PLCB1: variants seen among roughly 807,000 people sequenced by gnomAD.
PLCB1 encodes the protein 1-phosphatidylinositol 4,5-bisphosphate phosphodiesterase beta-1.
PLCB1 carries 46 observed loss-of-function variants against 161.8 expected under a neutral mutation model. The ratio of observed to expected loss-of-function variants is 0.28; its 90% CI spans 0.22 to 0.36. The LOEUF (loss-of-function observed/expected upper bound fraction) is 0.36, where lower values mean the gene tolerates loss of function less well. Ranked by LOEUF, PLCB1 falls within the 10% of genes least tolerant of loss-of-function variation. The pLI, the probability that PLCB1 is intolerant of heterozygous loss-of-function variation, is 1.00. For missense variants in PLCB1, 1,016 were observed against 1,472.5 expected (o/e 0.69, Z 5.07); for synonymous variants, 517 against 503.7 (o/e 1.03, Z -0.35).
intron 1 of PLCB1, among the ~76,000 whole-genome samples, chr20:8,143,686 G>A (rs975024770): frequency 6.6e-6 from 1 of 152,222 alleles, no homozygotes; most frequent in South Asian, 2.1e-4. Flanking sequence ...AACAGCAGGT[G>A]TGGGTATTCC....
At chr20:8,581,230 T>A (rs1035762296) in intron 3 of PLCB1, among the ~76,000 whole-genome samples, 2 of 152,196 alleles carry the variant, frequency 1.3e-5, no homozygotes, top group Non-Finnish European at 2.9e-5. Flanking sequence ...GCCTGGCACC[T>A]AGGATGTATT....
chr20:8,239,497 A>C (rs1166623301), intron 2 of PLCB1, among the ~76,000 whole-genome samples: 1 of 151,962 alleles, frequency 6.6e-6, no homozygotes, highest in Non-Finnish European at 1.5e-5. Context: ...TACCAAATGC[A>C]GTTTGAAAAG....
At chr20:8,307,553 T>A (rs1049605476) in intron 2 of PLCB1, among the ~76,000 whole-genome samples, 1 of 151,880 alleles carries the variant, frequency 6.6e-6, no homozygotes, top group Non-Finnish European at 1.5e-5. Context: ...TTTTTGAGGG[T>A]TTTTGGTGGG....
chr20:8,740,862 A>T (rs1980840270), intron 22 of PLCB1, among the ~76,000 whole-genome samples: 1 of 152,196 alleles, frequency 6.6e-6, no homozygotes, highest in South Asian at 2.1e-4. Flanking sequence ...GTAAATGCTT[A>T]TAGTGCCAAG....
rs144747409 is a variant in PLCB1, at chr20:8,400,201, G to T, written c.246+28751G>T. 3.0e-4 allele frequency among the ~76,000 whole-genome samples: 46 copies of T among 152,118 alleles called. No homozygotes were observed. In the East Asian group the frequency reaches 8.9e-3, roughly 29 times the overall value. ...CCTGATTGGATTTTTATCTGAGGAG[G>T]GTGAGAACTGTCAGTTTCACTTCCT... On this transcript the variant is annotated intron_variant, in intron 3 of 31. Coordinates refer to ENST00000338037, the MANE Select transcript of PLCB1 (RefSeq NM_015192.4).
intron 3 of PLCB1, among the ~76,000 whole-genome samples, chr20:8,514,521 A>G (rs544348543): frequency 7.9e-6 from 1 of 126,640 alleles, no homozygotes; most frequent in South Asian, 2.5e-4. Flanking sequence ...GAAAAATACA[A>G]AAAAAAATTA....
At chr20:8,752,728 G>A (rs995341101) in intron 23 of PLCB1, among the ~76,000 whole-genome samples, 6 of 151,832 alleles carry the variant, frequency 4.0e-5, no homozygotes, top group Non-Finnish European at 7.4e-5. Context: ...AGGAGGTGGA[G>A]GTTGCAATGA....
In PLCB1 at chr20:8,331,361, T is replaced by C. The variant is rs1019448541; in HGVS notation, c.178-40021T>C. On this transcript the variant is annotated intron_variant, in intron 2 of 31. Transcript: ENST00000338037. ...CAATACGTGTGAAGTTTTTTTTTTT[T>C]TTTCTATGTTCAAATCGGGAGAAGG... is the stretch of plus-strand genomic sequence containing the variant. Among the ~76,000 whole-genome samples the C allele has an allele frequency of 5.9e-4, 90 of 152,298 alleles. 1 individual carries two copies. Among genetic ancestry groups the C allele is most frequent in the Middle Eastern group, 3.4e-3 (1 of 294 alleles).
intron 31 of PLCB1, among the ~76,000 whole-genome samples, chr20:8,820,659 G>A (rs2146263399): frequency 6.6e-6 from 1 of 152,226 alleles, no homozygotes; most frequent in East Asian, 1.9e-4. Flanking sequence ...TGTAGCATAT[G>A]TGTATCAGGA....
intron 2 of PLCB1, among the ~76,000 whole-genome samples, chr20:8,204,703 C>T (rs1366485311): frequency 2.0e-5 from 3 of 152,022 alleles, no homozygotes; most frequent in East Asian, 1.9e-4. Context: ...CCTGCAGAAC[C>T]GTGAGCCAAT....
intron 4 of PLCB1, among the ~76,000 whole-genome samples, chr20:8,631,783 C>T (rs1192265803): frequency 6.6e-6 from 1 of 152,068 alleles, no homozygotes; most frequent in Non-Finnish European, 1.5e-5. Context: ...TCTCTCATCC[C>T]CTATAAAGGA....
At chr20:8,678,397 TG>T (rs757470057) in intron 9 of PLCB1, among the ~76,000 whole-genome samples, 1 of 152,154 alleles carries the variant, frequency 6.6e-6, no homozygotes, top group Non-Finnish European at 1.5e-5. Context: ...TAGCAATACA[TG>T]CGTATTATTT....
chr20:8,548,683 T>C (rs1266978162), intron 3 of PLCB1, among the ~76,000 whole-genome samples: 1 of 152,186 alleles, frequency 6.6e-6, no homozygotes, highest in Non-Finnish European at 1.5e-5. Flanking sequence ...CTTATAATCT[T>C]ATATTTATTC....
intron 2 of PLCB1, among the ~76,000 whole-genome samples, chr20:8,274,060 G>A (rs897067003): frequency 6.6e-6 from 1 of 152,044 alleles, no homozygotes; most frequent in African/African-American, 2.4e-5. Context: ...GAAGAAACTA[G>A]CTGGATATTT....
At chr20:8,743,093 C>A (rs1980966871) in intron 23 of PLCB1, among the ~76,000 whole-genome samples, 1 of 152,132 alleles carries the variant, frequency 6.6e-6, no homozygotes, top group Non-Finnish European at 1.5e-5. Flanking sequence ...TGTTGAATAA[C>A]AGTGGTGAAA....
intron 3 of PLCB1, among the ~76,000 whole-genome samples, chr20:8,434,430 G>A (rs1318055596): frequency 6.6e-6 from 1 of 152,146 alleles, no homozygotes; most frequent in Non-Finnish European, 1.5e-5. Flanking sequence ...GGTCAAGAGG[G>A]TGGAAATTTC....
chr20:8,274,269 C>T (rs1982424024), intron 2 of PLCB1, among the ~76,000 whole-genome samples: 3 of 151,812 alleles, frequency 2.0e-5, no homozygotes, highest in Admixed American at 1.3e-4. Flanking sequence ...ATTTCATTGG[C>T]TTAACATCAT....
intron 8 of PLCB1, 50 bp downstream of exon 8, chr20:8,657,334 CA>C (rs1568549083): frequency 1.8e-6 from 2 of 1,093,678 alleles, no homozygotes; most frequent in South Asian, 2.5e-5. Context: ...CATTGATTCT[CA>C]GGTGGCTAGA....
At chr20:8,353,935 G>A (rs1026341440) in intron 2 of PLCB1, among the ~76,000 whole-genome samples, 2 of 151,798 alleles carry the variant, frequency 1.3e-5, no homozygotes, top group Non-Finnish European at 2.9e-5. Context: ...ATTAACCATA[G>A]GGAGAACTGC....
Sources: allele counts gnomAD v4.1 joint callset (sites outside exome capture counted in the v4.1 genomes callset), GRCh38; gene constraint gnomAD v4.1.1; transcripts MANE v1.5; gene names NCBI Gene and HGNC (gene_info 2026-07-23, HGNC 2026-07-21).